The following SPATA1 variants were observed in gnomAD, a reference collection of about 807,000 sequenced individuals.
SPATA1 encodes spermatogenesis associated 1, also known as spermatogenesis-associated protein 1.
Under a neutral mutation model 59.6 loss-of-function variants are expected in SPATA1, and 57 were observed. That is an observed-to-expected ratio of 0.96 (90% confidence interval 0.77 to 1.19). SPATA1 has a LOEUF of 1.19. Ranked by LOEUF, SPATA1 falls within the 50% of genes most tolerant of loss-of-function variation. The probability of loss-of-function intolerance (pLI) is 0.00; values close to 1 mark genes in which losing one functional copy is unlikely to be tolerated. For missense variants in SPATA1, 448 were observed against 480.7 expected (o/e 0.93, Z 0.64); for synonymous variants, 147 against 163.9 (o/e 0.90, Z 0.79).
chr1:84,534,535 A>C (rs576863943), intron 8 of SPATA1, among the ~76,000 whole-genome samples: 25 of 152,168 alleles, frequency 1.6e-4, no homozygotes, highest in African/African-American at 5.8e-4. Flanking sequence ...TATAGTTAGT[A>C]AGTACTAGAG....
At chr1:84,522,505 G>C in exon 4 of SPATA1, 1 of 1,493,840 alleles carries the variant, frequency 6.7e-7, no homozygotes. Context: ...TAATTTAGCT[G>C]TGGTAAGTTT....
At chr1:84,520,046 T>G (rs947459571) in intron 2 of SPATA1, 2 of 152,248 alleles carry the variant, frequency 1.3e-5, no homozygotes, top group African/African-American at 4.8e-5. Context: ...ACATGCCCAA[T>G]GTAAGAACAA....
chr1:84,553,826 A>T (rs1344705389), exon 13 of SPATA1: 1 of 152,200 alleles, frequency 6.6e-6, no homozygotes, highest in Non-Finnish European at 1.5e-5. Context: ...GAGTTCAAAG[A>T]TACAGATTTT....
chr1:84,559,225 C>CATT (rs1684537045), downstream of SPATA1, among the ~76,000 whole-genome samples: 1 of 152,108 alleles, frequency 6.6e-6, no homozygotes, highest in African/African-American at 2.4e-5. Flanking sequence ...CAAACTTTTT[C>CATT]ATTATTATTA....
intron 10 of SPATA1, among the ~76,000 whole-genome samples, chr1:84,546,322 G>A (rs1222832092): frequency 6.6e-6 from 1 of 152,044 alleles, no homozygotes; most frequent in Non-Finnish European, 1.5e-5. Flanking sequence ...AGCCAGGTGT[G>A]GTGGTGGGCA....
chr1:84,532,892 A>C, exon 7 of SPATA1: 3 of 1,552,166 alleles, frequency 1.9e-6, no homozygotes, highest in Non-Finnish European at 1.7e-6. Flanking sequence ...AAAAAGCCAA[A>C]TTGCAAAAAA....
At chr1:84,510,281 AG>A (rs1177498935) in intron 1 of SPATA1, among the ~76,000 whole-genome samples, 1 of 152,258 alleles carries the variant, frequency 6.6e-6, no homozygotes. Flanking sequence ...ATTTATAACC[AG>A]AATATATAAG....
chr1:84,545,253 T>A (rs1684050710), intron 9 of SPATA1, among the ~76,000 whole-genome samples: 1 of 148,578 alleles, frequency 6.7e-6, no homozygotes, highest in East Asian at 1.9e-4. Flanking sequence ...CATATATATA[T>A]CATATATATA....
rs1336729922 is a variant in SPATA1, at chr1:84,546,671, AC to A, written c.946+914del. Among the ~76,000 whole-genome samples the A allele has an allele frequency of 2.6e-5, 4 of 152,178 alleles. No individual in the cohort carries two copies. In the South Asian group the frequency reaches 6.2e-4, roughly 24 times the overall value. On this transcript the variant is annotated intron_variant, in intron 10 of 12. Transcript: ENST00000490879. Reference sequence around the variant, plus strand: ...CCCTCTGCCATCTACTTCTCCTCTTACCTTGAGGTACCCTCTTCCCAGTTTA... The same window carrying A: ...CCCTCTGCCATCTACTTCTCCTCTTACTTGAGGTACCCTCTTCCCAGTTTA...
chr1:84,522,588 G>A (rs1396259359), intron 4 of SPATA1, 81 bp downstream of exon 4: 1 of 608,924 alleles, frequency 1.6e-6, no homozygotes, highest in Admixed American at 3.3e-5. Context: ...TATCAACTCA[G>A]CTCCTTAAGA....
At chr1:84,507,425 C>T (rs894142848) in intron 1 of SPATA1, 3 of 152,196 alleles carry the variant, frequency 2.0e-5, no homozygotes, top group Non-Finnish European at 4.4e-5. Context: ...AATTCTGGCT[C>T]TGCTACTTAC....
exon 13 of SPATA1, chr1:84,553,909 T>C (rs1684350286): frequency 6.6e-6 from 1 of 152,206 alleles, no homozygotes; most frequent in Non-Finnish European, 1.5e-5. Context: ...AAACAGACTT[T>C]ATTACATTTA....
intron 4 of SPATA1, chr1:84,563,905 C>G (rs762358070): frequency 6.9e-7 from 1 of 1,443,506 alleles, no homozygotes; most frequent in Non-Finnish European, 9.1e-7. Context: ...GCTATGCAAC[C>G]GTTCAGAATC....
At chr1:84,516,424 A>G (rs767994477) in intron 2 of SPATA1, 29 bp downstream of exon 2, 82 of 1,283,122 alleles carry the variant, frequency 6.4e-5, no homozygotes, top group Admixed American at 9.4e-5. Context: ...ACTAAAATAT[A>G]AGAAAGACCT....
chr1:84,527,100 G>C (rs1683257796), intron 6 of SPATA1, among the ~76,000 whole-genome samples: 1 of 152,058 alleles, frequency 6.6e-6, no homozygotes, highest in African/African-American at 2.4e-5. Context: ...TTGGAACATT[G>C]TTGGGTTTAG....
At chr1:84,565,766 CT>C in intron 4 of SPATA1, 94 bp from the exon 14 acceptor site, 1 of 856,738 alleles carries the variant, frequency 1.2e-6, no homozygotes. Context: ...CTTAGAAATA[CT>C]AAAAACATCT....
At chr1:84,533,030 G>GT (rs1409768025) in intron 7 of SPATA1, 56 bp downstream of exon 7, 3 of 1,202,932 alleles carry the variant, frequency 2.5e-6, no homozygotes, top group Non-Finnish European at 3.5e-6. Flanking sequence ...AAGAAAAAGA[G>GT]TAAGATATTC....
At chr1:84,552,867 T>C in intron 12 of SPATA1, 1 of 548,160 alleles carries the variant, frequency 1.8e-6, no homozygotes, top group Admixed American at 3.8e-5. Context: ...TAAACAGCAT[T>C]CATAATCTAC....
At chr1:84,533,587 C>A (rs889868356) in intron 7 of SPATA1, 122 bp from the exon 8 acceptor site, 11 of 753,578 alleles carry the variant, frequency 1.5e-5, no homozygotes, top group Non-Finnish European at 2.5e-5. Context: ...TGGTCTCAGG[C>A]TGACTTTGAA....
Sources: gnomAD v4.1 joint callset for allele counts (sites outside exome capture counted in the v4.1 genomes callset) on GRCh38, gnomAD v4.1.1 for gene constraint, MANE v1.5 for transcripts, NCBI Gene and HGNC (gene_info 2026-07-23, HGNC 2026-07-21) for gene names.